Variants in DNAH17 observed in about 807,000 individuals in gnomAD.
DNAH17 encodes the protein axonemal beta dynein heavy chain 17.
A neutral mutation model predicts 485.6 loss-of-function variants in DNAH17; 376 were observed. The ratio of observed to expected loss-of-function variants is 0.77; its 90% CI spans 0.71 to 0.84. DNAH17 has a LOEUF of 0.84. DNAH17 is among the 40% of genes least tolerant of loss of function. The pLI is 0.00. For missense variants in DNAH17, 6,370 were observed against 5,839.3 expected (o/e 1.09, Z -2.96); for synonymous variants, 3,031 against 2,405.9 (o/e 1.26, Z -7.60).
At chr17:78,474,912 C>A (rs899731699) in intron 54 of DNAH17, among the ~76,000 whole-genome samples, 1 of 126,714 alleles carries the variant, frequency 7.9e-6, no homozygotes, top group African/African-American at 3.2e-5. Context: ...AGGTTTCACA[C>A]GCTTCACCTC....
intron 48 of DNAH17, among the ~76,000 whole-genome samples, chr17:78,482,070 C>CTTTT (rs36105381): frequency 3.8e-5 from 5 of 130,664 alleles, no homozygotes; most frequent in African/African-American, 5.7e-5. Context: ...ACACTAGTTA[C>CTTTT]TTTTTTTTTT....
chr17:78,458,789 C>T lies in DNAH17; in HGVS notation c.9862-109G>A, dbSNP rs535472543. The T allele has an allele frequency of 4.1e-5, 47 of 1,159,368 alleles. No individual in the cohort carries two copies. In the African/African-American group the frequency reaches 6.6e-4, roughly 16 times the overall value. The allele number at this position is 1,159,368 out of a possible 1,614,324, so 71.8% of individuals were successfully genotyped here. ...GAGCGCTGAGCGTGGAAGAGGCTCC[C>T]ACAAAGGCTGAGAGCCCTCTGGAGC... On this transcript the variant is annotated intron_variant, in intron 61 of 80. Transcript: ENST00000389840.
At chr17:78,500,640 C>A in intron 35 of DNAH17, 179 bp from the exon 36 acceptor site, 2 of 535,268 alleles carry the variant, frequency 3.7e-6, no homozygotes, top group South Asian at 3.6e-5. Context: ...TCCCAAGTAG[C>A]TGGGACTATA....
rs745971526 is a variant in DNAH17, at chr17:78,441,040, G to C, written c.11677+11C>G. The C allele has an allele frequency of 5.1e-6, 8 of 1,568,684 alleles. No individual in the cohort carries two copies. The highest frequency in any genetic ancestry group is 6.9e-6 in the Non-Finnish European group (8 of 1,156,122). ...CCGTCTTTGAGAACATCACTTGCCT[G>C]CTACACTTACCCAGGGCTTCCACGT... is the stretch of plus-strand genomic sequence containing the variant. On this transcript the variant is annotated intron_variant, in intron 72 of 80. Transcript: ENST00000389840.
At chr17:78,552,144 T>C (rs565761768) in intron 15 of DNAH17, among the ~76,000 whole-genome samples, 5 of 152,190 alleles carry the variant, frequency 3.3e-5, no homozygotes, top group African/African-American at 1.2e-4. Flanking sequence ...CCTTTGGACA[T>C]AGGGTTTGGA....
intron 74 of DNAH17, among the ~76,000 whole-genome samples, chr17:78,435,319 C>G (rs2086821490): frequency 6.6e-6 from 1 of 152,202 alleles, no homozygotes; most frequent in East Asian, 1.9e-4. Flanking sequence ...CCTACCCGCA[C>G]TCAGGTCTGG....
At chr17:78,442,914 C>A (rs1247802506) in intron 71 of DNAH17, among the ~76,000 whole-genome samples, 1 of 152,238 alleles carries the variant, frequency 6.6e-6, no homozygotes, top group Non-Finnish European at 1.5e-5. Context: ...TTGGCCAGTG[C>A]TGGCTTTGTT....
Position 78,468,909 on chromosome 17 carries a change from G to C in DNAH17, c.8512-26C>G, listed in dbSNP as rs575501724. ...CTGGACGGAGTGAGGACACGCTTAG[G>C]GGCCTTGGTAAAAAGATGCTCAATT... On this transcript the variant is annotated intron_variant, in intron 54 of 80. Coordinates refer to ENST00000389840, the MANE Select transcript of DNAH17 (RefSeq NM_173628.4). 22 of 1,595,768 alleles carry C rather than the reference G, an allele frequency of 1.4e-5. No homozygotes were observed. In the Middle Eastern group the frequency reaches 5.0e-4, roughly 36 times the overall value.
intron 77 of DNAH17, among the ~76,000 whole-genome samples, chr17:78,427,555 T>G (rs1598432786): frequency 6.6e-6 from 1 of 152,208 alleles, no homozygotes. Flanking sequence ...ATTCCTGATT[T>G]CAGTCATTAG....
Position 78,553,110 on chromosome 17 carries a change from G to A in DNAH17, c.2179-305C>T, listed in dbSNP as rs147739772. Among the ~76,000 whole-genome samples the A allele has an allele frequency of 1.5e-3, 235 of 151,932 alleles. 2 individuals carry two copies. The highest frequency in any genetic ancestry group is 5.3e-3 in the African/African-American group (219 of 41,456). On this transcript the variant is annotated intron_variant, in intron 14 of 80. Coordinates refer to ENST00000389840, the MANE Select transcript of DNAH17 (RefSeq NM_173628.4). ...GTAGCACCTCCCCCACTTCTCTCTC[G>A]ATCCTGGCTTGTGCCAAGTGATGTG...
intron 16 of DNAH17, among the ~76,000 whole-genome samples, chr17:78,548,202 C>CTTTTT (rs34701814): frequency 0.2 from 16,109 of 79,068 alleles, 2,982 homozygotes; most frequent in Non-Finnish European, 0.27. Context: ...ATGTCATGGC[C>CTTTTT]TTTTTTTTTT....
At position 78,485,639 on chromosome 17, in the gene DNAH17, A is replaced by G. The variant is rs1169666829; in HGVS notation, c.7394T>C (p.Met2465Thr). The G allele has an allele frequency of 5.0e-6, 8 of 1,613,930 alleles. No homozygotes were observed. The highest frequency in any genetic ancestry group is 6.8e-6 in the Non-Finnish European group (8 of 1,179,856). The change falls in exon 47 of 81, where the codon ATG (methionine) becomes ACG (threonine). Residue 2465 changes from methionine (M) to threonine (T), a missense_variant. Transcript: ENST00000389840. ...GNAGTGKSVL[M>T]GDKLESLNTD... is the part of the protein sequence containing the mutation. ...GTTCAGGCTTTCCAGCTTGTCCCCC[A>G]TCAGCACCGACTTGCCCGTCCCCGC... is the stretch of plus-strand genomic sequence containing the variant.
At chr17:78,526,490 G>A (rs558955819) in intron 24 of DNAH17, 161 bp downstream of exon 24, 56 of 591,402 alleles carry the variant, frequency 9.5e-5, no homozygotes, top group South Asian at 6.2e-4. Context: ...GCATGTGCTC[G>A]CACACGTATG....
At position 78,509,047 on chromosome 17, in the gene DNAH17, AC is replaced by A. The variant is rs1568176063; in HGVS notation, c.4237-1243del. On this transcript the variant is annotated intron_variant, in intron 27 of 80. Coordinates refer to ENST00000389840, the MANE Select transcript of DNAH17 (RefSeq NM_173628.4). ...AGTGGCGCGATCTCAGCTCACTGCA[AC>A]TTCTCCCTCCCAGGTTCAAGCGATT... Among the ~76,000 whole-genome samples the A allele has an allele frequency of 7.0e-3, 625 of 88,694 alleles. 39 individuals carry two copies. The highest frequency in any genetic ancestry group is 0.012 in the Middle Eastern group (2 of 162). The allele number at this position is 88,694 out of a possible 152,430, so 58.2% of individuals were successfully genotyped here. A position where few individuals can be genotyped will look rare whatever the true frequency, so the allele number is the denominator to read the frequency against.
intron 63 of DNAH17, among the ~76,000 whole-genome samples, 181 bp from the exon 64 acceptor site, chr17:78,454,886 C>G (rs957833005): frequency 6.6e-6 from 1 of 151,878 alleles, no homozygotes; most frequent in Non-Finnish European, 1.5e-5. Context: ...CGGCCAGAAA[C>G]GATGTCAGCA....
At chr17:78,426,314 C>T (rs1238390782) in intron 79 of DNAH17, 143 bp downstream of exon 79, 2 of 1,053,328 alleles carry the variant, frequency 1.9e-6, no homozygotes, top group African/African-American at 1.6e-5. Context: ...TGGGCTAGGC[C>T]CTTCTGGCCC....
intron 65 of DNAH17, 34 bp downstream of exon 65, chr17:78,453,309 C>G (rs765757537): frequency 6.2e-7 from 1 of 1,607,894 alleles, no homozygotes; most frequent in Admixed American, 1.7e-5. Flanking sequence ...AAGATGTTTA[C>G]CTGGCTCAAG....
intron 37 of DNAH17, 123 bp downstream of exon 37, chr17:78,498,885 C>T (rs1014648472): frequency 1.4e-6 from 1 of 694,924 alleles, no homozygotes; most frequent in African/African-American, 1.9e-5. Context: ...GGCACCACAC[C>T]ACCCTTCGGT....
chr17:78,498,738 T>C, intron 37 of DNAH17: 1 of 290,538 alleles, frequency 3.4e-6, no homozygotes. Flanking sequence ...TTGTCTTTCT[T>C]TCCTAAGCAA....
Sources: gnomAD v4.1 joint callset for allele counts (sites outside exome capture counted in the v4.1 genomes callset) on GRCh38, gnomAD v4.1.1 for gene constraint, MANE v1.5 for transcripts, NCBI Gene and HGNC (gene_info 2026-07-23, HGNC 2026-07-21) for gene names.